The following ARSF variants were observed in gnomAD, a reference collection of about 807,000 sequenced individuals.
ARSF encodes arylsulfatase F.
ARSF carries 33 observed loss-of-function variants against 35.4 expected under a neutral mutation model. The observed-to-expected ratio is 0.93, with a 90% confidence interval of 0.71 to 1.25. The LOEUF is 1.25. Ranked by LOEUF, ARSF falls within the 50% of genes most tolerant of loss-of-function variation. The pLI, the probability that ARSF is intolerant of heterozygous loss-of-function variation, is 0.00. For synonymous variants in ARSF, 222 were observed against 193.1 expected (o/e 1.15, Z -1.24); for missense variants, 501 against 480.2 (o/e 1.04, Z -0.40).
chrX:3,068,288 A>C (rs755567430), intron 2 of ARSF, among the ~76,000 whole-genome samples, 177 bp downstream of exon 2: 14 of 111,826 alleles, frequency 1.3e-4, no homozygotes, highest in Non-Finnish European at 2.3e-4. Flanking sequence ...ATGGCTGGCC[A>C]TAAGATGTCT....
At chrX:3,085,768 CTG>C (rs2090243814) in intron 6 of ARSF, among the ~76,000 whole-genome samples, 1 of 111,462 alleles carries the variant, frequency 9.0e-6, no homozygotes, top group African/African-American at 3.3e-5. Flanking sequence ...TGTCCTCACT[CTG>C]TAGCCCAAGT....
intron 1 of ARSF, among the ~76,000 whole-genome samples, chrX:3,053,758 ATTTT>A (rs773968797): frequency 4.8e-5 from 4 of 82,626 alleles, no homozygotes; most frequent in African/African-American, 1.8e-4. Context: ...CGCCTGGGTA[ATTTT>A]TTTTTTTTTT....
chrX:3,081,758 T>C (rs1004940144), intron 5 of ARSF, among the ~76,000 whole-genome samples: 2 of 111,703 alleles, frequency 1.8e-5, no homozygotes, highest in Non-Finnish European at 3.8e-5. Context: ...CATCTGCCTC[T>C]TTATTTCACT....
chrX:3,077,282 T>C (rs2090159737), intron 4 of ARSF, among the ~76,000 whole-genome samples: 1 of 112,274 alleles, frequency 8.9e-6, no homozygotes, highest in Non-Finnish European at 1.9e-5. Context: ...ATGAAGTAAT[T>C]AATACAACAT....
intron 7 of ARSF, among the ~76,000 whole-genome samples, chrX:3,093,673 G>T (rs1007604096): frequency 8.1e-5 from 9 of 111,658 alleles, no homozygotes; most frequent in African/African-American, 2.9e-4. Flanking sequence ...CTATGTCTTT[G>T]CTATTGTGAA....
chrX:3,057,273 G>C (rs2090022353), intron 1 of ARSF, among the ~76,000 whole-genome samples: 1 of 112,170 alleles, frequency 8.9e-6, no homozygotes, highest in Non-Finnish European at 1.9e-5. Context: ...CAGAAATGCA[G>C]GGAGCACTTT....
chrX:3,047,369 G>T (rs1316193811), intron 1 of ARSF, among the ~76,000 whole-genome samples: 2 of 110,306 alleles, frequency 1.8e-5, no homozygotes, highest in African/African-American at 6.6e-5. Context: ...TGGTAGAGAT[G>T]GAATTTCACC....
chrX:3,075,498 ATCTC>A (rs1466262989), intron 3 of ARSF, among the ~76,000 whole-genome samples: 3 of 83,815 alleles, frequency 3.6e-5, no homozygotes, highest in Admixed American at 1.3e-4. Flanking sequence ...GTCTCTTTCT[ATCTC>A]TCTCTCTGTC....
upstream of ARSF, among the ~76,000 whole-genome samples, chrX:3,041,298 T>C (rs1488255254): frequency 5.3e-5 from 2 of 37,880 alleles, no homozygotes; most frequent in Non-Finnish European, 8.6e-5. Flanking sequence ...CTTTTCTTTT[T>C]CTTTTTTTTT....
intron 7 of ARSF, among the ~76,000 whole-genome samples, chrX:3,097,518 T>C (rs2090345219): frequency 9.0e-6 from 1 of 111,562 alleles, no homozygotes; most frequent in Non-Finnish European, 1.9e-5. Context: ...AGTACAAATA[T>C]TAGAGTGGAC....
chrX:3,075,893 C>A (rs866384700), intron 3 of ARSF, among the ~76,000 whole-genome samples: 1 of 47,627 alleles, frequency 2.1e-5, no homozygotes, highest in African/African-American at 7.4e-5. Flanking sequence ...CTCTCCATCT[C>A]TCTCTCTGTA....
intron 7 of ARSF, among the ~76,000 whole-genome samples, chrX:3,099,195 C>T (rs190734675): frequency 1.3e-3 from 143 of 111,676 alleles, no homozygotes; most frequent in African/African-American, 4.4e-3. Context: ...ATCATCACTG[C>T]GAATCATCAA....
At chrX:3,070,010 T>C (rs2090091917) in intron 2 of ARSF, among the ~76,000 whole-genome samples, 1 of 111,797 alleles carries the variant, frequency 8.9e-6, no homozygotes. Context: ...TCCTGTCAAA[T>C]TGAAATTTTG....
chrX:3,096,285 A>G (rs2090337761), intron 7 of ARSF, among the ~76,000 whole-genome samples: 1 of 111,018 alleles, frequency 9.0e-6, no homozygotes. Context: ...ACCAGCTACT[A>G]TTCATTATAG....
chrX:3,056,369 G>A (rs1289176977), intron 1 of ARSF, among the ~76,000 whole-genome samples: 3 of 105,976 alleles, frequency 2.8e-5, no homozygotes, highest in East Asian at 3.0e-4. Context: ...TCTGCCTCCC[G>A]GGTTCAAGTG....
intron 1 of ARSF, among the ~76,000 whole-genome samples, chrX:3,056,020 C>T (rs760114701): frequency 4.5e-5 from 5 of 111,727 alleles, no homozygotes; most frequent in Non-Finnish European, 7.5e-5. Context: ...GGTGGAATTA[C>T]GATACGGCTC....
At chrX:3,068,851 C>T in intron 2 of ARSF, among the ~76,000 whole-genome samples, 1 of 112,249 alleles carries the variant, frequency 8.9e-6, no homozygotes, top group South Asian at 3.7e-4. Flanking sequence ...GTAGCTTTTG[C>T]CTGCAAGACA....
In ARSF at chrX:3,101,174, C is replaced by T; in HGVS notation, c.1055C>T (p.Ala352Val). 1 of 1,211,239 alleles carries T rather than the reference C, an allele frequency of 8.3e-7. No homozygotes were observed. The highest frequency in any genetic ancestry group is 1.8e-5 in the South Asian group (1 of 56,929). ...TCAGATCACGGAGGGCATTTGGAAG[C>T]TAGGCGAGGGCATGCCCAACTTGGT... is the stretch of plus-strand genomic sequence containing the variant. ...FTSDHGGHLE[A>V]RRGHAQLGGW... Residue 352 changes from alanine to valine, a missense_variant, in exon 8 of 11, where the codon GCT becomes GTT. Physicochemically the swap from Ala to Val is moderately conservative, Grantham distance 64. Coordinates refer to ENST00000381127, the MANE Select transcript of ARSF (RefSeq NM_001201539.2).
chrX:3,049,518 T>A (rs1201681718), intron 1 of ARSF, among the ~76,000 whole-genome samples: 1 of 112,033 alleles, frequency 8.9e-6, no homozygotes, highest in African/African-American at 3.2e-5. Context: ...TAAGCCAAGG[T>A]GAAATTGAAC....
Sources: allele counts gnomAD v4.1 joint callset (sites outside exome capture counted in the v4.1 genomes callset), GRCh38; gene constraint gnomAD v4.1.1; transcripts MANE v1.5; gene names NCBI Gene and HGNC (gene_info 2026-07-23, HGNC 2026-07-21).